The following PTCHD4 variants were observed in gnomAD, a reference collection of about 807,000 sequenced individuals.
PTCHD4 encodes patched domain containing 4, also known as patched domain-containing protein 4.
PTCHD4 carries 33 observed loss-of-function variants against 58.1 expected under a neutral mutation model. That is an observed-to-expected ratio of 0.57 (90% CI 0.43 to 0.76). The LOEUF (loss-of-function observed/expected upper bound fraction) is 0.76. Ranked by LOEUF, PTCHD4 falls within the 30% of genes least tolerant of loss-of-function variation. The pLI is 0.00. For missense variants in PTCHD4, 1,058 were observed against 1,027.1 expected, an observed-to-expected ratio of 1.03 and a Z score of -0.41; for synonymous variants, 478 against 409.6, an observed-to-expected ratio of 1.17 and a Z score of -2.02.
intron 1 of PTCHD4, among the ~76,000 whole-genome samples, 23 bp from the exon 2 acceptor site, chr6:48,069,949 G>C (rs577985829): frequency 1.1e-4 from 16 of 151,932 alleles, no homozygotes; most frequent in Non-Finnish European, 2.1e-4. Context: ...AGAGTCGGGT[G>C]GGTAGAGGGA....
intron 4 of PTCHD4, among the ~76,000 whole-genome samples, chr6:48,001,996 G>C (rs1425619968): frequency 1.3e-5 from 2 of 152,124 alleles, no homozygotes; most frequent in African/African-American, 2.4e-5. Context: ...GCAGCCAAAA[G>C]ACACATGAAA....
chr6:48,029,508 T>G (rs189136319), intron 3 of PTCHD4, among the ~76,000 whole-genome samples: 5 of 152,228 alleles, frequency 3.3e-5, no homozygotes, highest in Admixed American at 3.3e-4. Flanking sequence ...GCTTTTCTGC[T>G]TGAAATTTTG....
intron 4 of PTCHD4, among the ~76,000 whole-genome samples, chr6:47,906,160 A>C (rs555114844): frequency 1.3e-5 from 2 of 152,346 alleles, no homozygotes; most frequent in African/African-American, 4.8e-5. Flanking sequence ...TTGGATCTCT[A>C]TGAGAGCTGT....
At chr6:47,944,224 T>A (rs1402689418) in intron 4 of PTCHD4, among the ~76,000 whole-genome samples, 1 of 152,072 alleles carries the variant, frequency 6.6e-6, no homozygotes, top group African/African-American at 2.4e-5. Context: ...AATGAAAGAT[T>A]GAGACTAACC....
At chr6:48,043,597 A>G (rs1033763259) in intron 3 of PTCHD4, among the ~76,000 whole-genome samples, 1 of 151,914 alleles carries the variant, frequency 6.6e-6, no homozygotes, top group Non-Finnish European at 1.5e-5. Flanking sequence ...GTAACAGCAA[A>G]GCATGGATAC....
At position 48,006,152 on chromosome 6, in the gene PTCHD4, G is replaced by A. The variant is rs548208063; in HGVS notation, c.898+2482C>T. ...ACTTGAATTGCAGAAATACTTCAGA[G>A]GGACCATTAAGCAGTCTTCCTAAAG... On this transcript the variant is annotated intron_variant, in intron 4 of 4. Transcript: ENST00000339488. 9.2e-5 allele frequency among the ~76,000 whole-genome samples: 14 copies of A among 152,258 alleles called. 1 individual carries two copies. The East Asian group carries it at 2.5e-3, about 27-fold the overall frequency.
chr6:48,048,438 A>T (rs1764115306), intron 3 of PTCHD4, among the ~76,000 whole-genome samples: 1 of 151,938 alleles, frequency 6.6e-6, no homozygotes, highest in South Asian at 2.1e-4. Context: ...GAGACATATA[A>T]CAGGCTGATT....
intron 3 of PTCHD4, among the ~76,000 whole-genome samples, chr6:48,020,457 A>G (rs1440688185): frequency 2.6e-5 from 4 of 152,008 alleles, no homozygotes; most frequent in Non-Finnish European, 5.9e-5. Flanking sequence ...AATTCAATCA[A>G]TTAAAACAAA....
At chr6:47,917,092 G>C (rs1027794269) in intron 4 of PTCHD4, among the ~76,000 whole-genome samples, 1 of 151,854 alleles carries the variant, frequency 6.6e-6, no homozygotes, top group Non-Finnish European at 1.5e-5. Flanking sequence ...AATTTAATTT[G>C]TATCTTTTTT....
At chr6:47,926,081 T>C (rs1765603885) in intron 4 of PTCHD4, among the ~76,000 whole-genome samples, 1 of 152,194 alleles carries the variant, frequency 6.6e-6, no homozygotes, top group Admixed American at 6.5e-5. Context: ...ATCTGCGTTA[T>C]CAAAGGACAC....
chr6:48,060,249 G>A (rs2113867481), intron 3 of PTCHD4, among the ~76,000 whole-genome samples: 2 of 152,274 alleles, frequency 1.3e-5, no homozygotes, highest in East Asian at 3.9e-4. Context: ...CTGACAATCA[G>A]AACTGAACAT....
intron 3 of PTCHD4, among the ~76,000 whole-genome samples, chr6:48,047,274 A>G (rs1462933372): frequency 6.6e-6 from 1 of 151,582 alleles, no homozygotes; most frequent in Non-Finnish European, 1.5e-5. Flanking sequence ...CTATTTATAT[A>G]CCCCAAGAAA....
intron 4 of PTCHD4, among the ~76,000 whole-genome samples, chr6:47,946,619 T>A (rs892639842): frequency 6.6e-6 from 1 of 152,204 alleles, no homozygotes; most frequent in African/African-American, 2.4e-5. Flanking sequence ...TAGTTGTATT[T>A]AAAAAATGCA....
chr6:48,013,309 A>G (rs1210849506), intron 3 of PTCHD4, among the ~76,000 whole-genome samples: 2 of 151,936 alleles, frequency 1.3e-5, no homozygotes, highest in Non-Finnish European at 2.9e-5. Flanking sequence ...CTAAATGAAT[A>G]CAATCATTCT....
At chr6:47,896,319 A>G (rs553058422) in intron 4 of PTCHD4, among the ~76,000 whole-genome samples, 2 of 152,296 alleles carry the variant, frequency 1.3e-5, no homozygotes, top group African/African-American at 4.8e-5. Flanking sequence ...AAGGAAAGAA[A>G]CCCGTTTCTC....
At chr6:48,025,288 G>C (rs1763203494) in intron 3 of PTCHD4, among the ~76,000 whole-genome samples, 1 of 152,130 alleles carries the variant, frequency 6.6e-6, no homozygotes, top group Non-Finnish European at 1.5e-5. Context: ...AAAATACACA[G>C]TGGGAAATGC....
intron 1 of PTCHD4, among the ~76,000 whole-genome samples, chr6:48,110,631 C>CCACACACACA (rs367594403): frequency 7.2e-6 from 1 of 139,272 alleles, no homozygotes; most frequent in African/African-American, 2.6e-5. Context: ...GATGGTTTTA[C>CCACACACACA]CACACACACA....
At chr6:47,918,651 T>C (rs1390262741) in intron 4 of PTCHD4, among the ~76,000 whole-genome samples, 3 of 152,202 alleles carry the variant, frequency 2.0e-5, no homozygotes, top group Non-Finnish European at 4.4e-5. Flanking sequence ...ATGGAATTTT[T>C]TCCCTTATAA....
At chr6:48,016,574 T>C (rs1762875486) in intron 3 of PTCHD4, among the ~76,000 whole-genome samples, 1 of 151,892 alleles carries the variant, frequency 6.6e-6, no homozygotes, top group African/African-American at 2.4e-5. Context: ...CATGATGCTA[T>C]CTCACGGCCA....
Sources: allele counts gnomAD v4.1 joint callset (sites outside exome capture counted in the v4.1 genomes callset), GRCh38; gene constraint gnomAD v4.1.1; transcripts MANE v1.5; gene names NCBI Gene and HGNC (gene_info 2026-07-23, HGNC 2026-07-21).